PRKCH: variants seen among roughly 807,000 people sequenced by gnomAD.
The protein encoded by PRKCH is protein kinase C eta type.
PRKCH carries 28 observed loss-of-function variants against 82.5 expected under a neutral mutation model. That is an observed-to-expected ratio of 0.34 (90% CI 0.25 to 0.47). PRKCH has a LOEUF of 0.47. Among genes scored for constraint, PRKCH ranks in the 20% least tolerant of loss-of-function variants. PRKCH has a pLI of 1.00. For missense variants in PRKCH, 705 were observed against 881.8 expected (o/e 0.80, Z 2.54); for synonymous variants, 322 against 327.4 (o/e 0.98, Z 0.18).
At chr14:61,197,455 C>G (rs146554772) in intron 1 of PRKCH, among the ~76,000 whole-genome samples, 3 of 152,142 alleles carry the variant, frequency 2.0e-5, no homozygotes, top group South Asian at 2.1e-4. Flanking sequence ...CTGGTGAGGG[C>G]CTTCTGGCTG....
chr14:61,206,859 C>A (rs369965505), intron 1 of PRKCH, among the ~76,000 whole-genome samples: 2 of 151,804 alleles, frequency 1.3e-5, no homozygotes, highest in South Asian at 4.2e-4. Flanking sequence ...GCAATCCCAG[C>A]ACTTTAGGAG....
intron 10 of PRKCH, among the ~76,000 whole-genome samples, chr14:61,489,947 T>C (rs1266397083): frequency 4.6e-5 from 7 of 152,176 alleles, no homozygotes; most frequent in African/African-American, 1.7e-4. Flanking sequence ...TTTGACAAAG[T>C]GTGGAATACT....
chr14:61,525,601 C>A (rs1000550554), intron 10 of PRKCH: 2 of 152,232 alleles, frequency 1.3e-5, no homozygotes, highest in Admixed American at 1.3e-4. Flanking sequence ...ATTCCTGCTG[C>A]CCATGACAGC....
intron 1 of PRKCH, among the ~76,000 whole-genome samples, chr14:61,220,023 T>C (rs1204761902): frequency 6.6e-6 from 1 of 152,144 alleles, no homozygotes; most frequent in African/African-American, 2.4e-5. Flanking sequence ...AATGCATTGG[T>C]GTAGGGTCCC....
intron 1 of PRKCH, among the ~76,000 whole-genome samples, chr14:61,244,247 C>T (rs747932650): frequency 2.6e-5 from 4 of 152,066 alleles, no homozygotes; most frequent in East Asian, 1.9e-4. Context: ...GCTGAACAAA[C>T]GACAAGAGCT....
chr14:61,227,227 C>T (rs2044703426), intron 1 of PRKCH, among the ~76,000 whole-genome samples: 1 of 152,178 alleles, frequency 6.6e-6, no homozygotes, highest in Non-Finnish European at 1.5e-5. Flanking sequence ...TCTGTCATCT[C>T]CAAGAAGTTT....
At chr14:61,383,270 G>A (rs2046537639) in intron 1 of PRKCH, among the ~76,000 whole-genome samples, 1 of 152,002 alleles carries the variant, frequency 6.6e-6, no homozygotes, top group Non-Finnish European at 1.5e-5. Flanking sequence ...TATTTTTATA[G>A]GTGAGGAAAT....
chr14:61,270,429 G>C (rs1418207640), intron 1 of PRKCH, among the ~76,000 whole-genome samples: 4 of 152,160 alleles, frequency 2.6e-5, no homozygotes, highest in Non-Finnish European at 4.4e-5. Flanking sequence ...CTCATACAGT[G>C]TCTATACTCA....
At chr14:61,447,952 A>G (rs550613991) in intron 4 of PRKCH, among the ~76,000 whole-genome samples, 3 of 152,318 alleles carry the variant, frequency 2.0e-5, no homozygotes, top group Admixed American at 1.3e-4. Context: ...TTAGAACAGA[A>G]ATCAGTGAAG....
At chr14:61,249,924 A>G (rs2044927326) in intron 1 of PRKCH, among the ~76,000 whole-genome samples, 1 of 151,070 alleles carries the variant, frequency 6.6e-6, no homozygotes, top group African/African-American at 2.4e-5. Flanking sequence ...TGGCCCACCA[A>G]TGGCAATTTA....
chr14:61,434,638 A>C (rs1594702373), intron 2 of PRKCH, among the ~76,000 whole-genome samples: 1 of 152,226 alleles, frequency 6.6e-6, no homozygotes, highest in South Asian at 2.1e-4. Context: ...TTCCATCCTT[A>C]TGTGTGCAGA....
At chr14:61,412,595 C>T (rs1882326157) in intron 2 of PRKCH, among the ~76,000 whole-genome samples, 1 of 152,166 alleles carries the variant, frequency 6.6e-6, no homozygotes, top group Non-Finnish European at 1.5e-5. Flanking sequence ...GCCTGCTGTG[C>T]CAATGCCTGA....
chr14:61,441,807 T>C (rs185644891), intron 2 of PRKCH, among the ~76,000 whole-genome samples: 1,526 of 151,898 alleles, frequency 0.01, 31 homozygotes, highest in African/African-American at 0.034. Flanking sequence ...CTTTAGAGTT[T>C]ATTATCCCTT....
At chr14:61,237,173 G>A (rs574707192) in intron 1 of PRKCH, among the ~76,000 whole-genome samples, 1 of 151,406 alleles carries the variant, frequency 6.6e-6, no homozygotes, top group African/African-American at 2.4e-5. Context: ...AACCCAGGAG[G>A]TGGAAGTTGC....
intron 12 of PRKCH, 111 bp from the exon 13 acceptor site, chr14:61,547,632 A>G: frequency 7.3e-7 from 1 of 1,373,990 alleles, no homozygotes; most frequent in Admixed American, 2.2e-5. Flanking sequence ...GTTAAGCAAG[A>G]CCTGCCAGAA....
At chr14:61,439,194 CT>C (rs1883825981) in intron 2 of PRKCH, among the ~76,000 whole-genome samples, 1 of 151,998 alleles carries the variant, frequency 6.6e-6, no homozygotes, top group African/African-American at 2.4e-5. Context: ...TTTTTTAGTC[CT>C]TTTAACTCAG....
chr14:61,221,183 G>T (rs962381318), intron 1 of PRKCH, among the ~76,000 whole-genome samples: 1 of 152,152 alleles, frequency 6.6e-6, no homozygotes, highest in Non-Finnish European at 1.5e-5. Context: ...CGGCTCAGAG[G>T]GAGCTGGAGA....
intron 1 of PRKCH, among the ~76,000 whole-genome samples, chr14:61,389,637 G>A (rs936534395): frequency 2.0e-5 from 3 of 151,628 alleles, no homozygotes; most frequent in African/African-American, 7.3e-5. Context: ...GGAGTTCAAG[G>A]CTGCAGTGAG....
chr14:61,511,537 C>A (rs764644329), intron 10 of PRKCH, among the ~76,000 whole-genome samples: 1 of 152,212 alleles, frequency 6.6e-6, no homozygotes, highest in Non-Finnish European at 1.5e-5. Flanking sequence ...GCCTCCTGAA[C>A]CATATAAGAA....
Sources: gnomAD v4.1 joint callset for allele counts (sites outside exome capture counted in the v4.1 genomes callset) on GRCh38, gnomAD v4.1.1 for gene constraint, MANE v1.5 for transcripts, NCBI Gene and HGNC (gene_info 2026-07-23, HGNC 2026-07-21) for gene names.